SLC44A3: variants seen among roughly 807,000 people sequenced by gnomAD.
SLC44A3 encodes choline transporter-like protein 3.
SLC44A3 carries 74 observed loss-of-function variants against 75.4 expected under a neutral mutation model. The observed-to-expected ratio is 0.98, with a 90% CI of 0.81 to 1.19. The LOEUF is 1.19. SLC44A3 is among the 50% of genes most tolerant of loss of function. The pLI, the probability that SLC44A3 is intolerant of heterozygous loss-of-function variation, is 0.00. For synonymous variants in SLC44A3, 310 were observed against 296.9 expected, an observed-to-expected ratio of 1.04 and a Z score of -0.45; for missense variants, 700 against 778.6, an observed-to-expected ratio of 0.90 and a Z score of 1.20.
intron 9 of SLC44A3, among the ~76,000 whole-genome samples, chr1:94,851,197 C>G (rs76835824): frequency 0.016 from 2,381 of 152,234 alleles, 63 homozygotes; most frequent in African/African-American, 0.054. Flanking sequence ...CTTGGAAAAT[C>G]TCCTATAAAT....
chr1:94,850,131 G>T (rs859106), intron 9 of SLC44A3, among the ~76,000 whole-genome samples: 133,974 of 152,158 alleles, frequency 0.88, 59,124 homozygotes, highest in African/African-American at 0.94. Flanking sequence ...TGCCCAGATG[G>T]GCTATTTTTC....
chr1:94,887,075 G>C (rs902487228), intron 12 of SLC44A3, among the ~76,000 whole-genome samples: 1 of 151,854 alleles, frequency 6.6e-6, no homozygotes, highest in Non-Finnish European at 1.5e-5. Flanking sequence ...CCAATAAAAC[G>C]TGTTTCCTAG....
intron 4 of SLC44A3, among the ~76,000 whole-genome samples, chr1:94,828,155 T>G (rs566133771): frequency 5.9e-5 from 9 of 152,248 alleles, no homozygotes; most frequent in Non-Finnish European, 1.3e-4. Context: ...CTGTTTAGAA[T>G]TTTATCTGTC....
chr1:94,894,108 C>CT (rs1275298051), intron 14 of SLC44A3, among the ~76,000 whole-genome samples: 1 of 151,794 alleles, frequency 6.6e-6, no homozygotes, highest in Admixed American at 6.6e-5. Context: ...CACCTCCCCC[C>CT]CAAAAAAAAT....
At position 94,841,998 on chromosome 1, in the gene SLC44A3, A is replaced by G; in HGVS notation, c.761-2A>G. ...GAGCTCTGCTACTGTTCTCTTTTCT[A>G]GTTGTCTGCGGTGTTTTATGGTGGC... is the stretch of plus-strand genomic sequence containing the variant. On this transcript the variant is annotated splice_acceptor_variant, in intron 7 of 14. Transcript: ENST00000271227. LOFTEE classifies it high-confidence loss of function. 6.2e-7 allele frequency: 1 copy of G among 1,607,472 alleles called. No homozygotes were observed. The highest frequency in any genetic ancestry group is 8.5e-7 in the Non-Finnish European group (1 of 1,177,682).
intron 12 of SLC44A3, among the ~76,000 whole-genome samples, chr1:94,878,909 C>G (rs1026852510): frequency 1.1e-4 from 17 of 152,126 alleles, no homozygotes; most frequent in Admixed American, 5.2e-4. Flanking sequence ...GGGACCCTTA[C>G]CTTATACAGG....
chr1:94,845,362 A>G lies in SLC44A3; in HGVS notation c.970A>G (p.Ser324Gly), dbSNP rs952016199. 1.2e-6 allele frequency: 2 copies of G among 1,614,168 alleles called. No individual in the cohort carries two copies. The highest frequency in any genetic ancestry group is 1.7e-6 in the Non-Finnish European group (2 of 1,180,024). The change falls in exon 9 of 15, where the codon AGC (serine) becomes GGC (glycine). Residue 324 changes from serine (S) to glycine (G), a missense_variant. Coordinates refer to ENST00000271227, the MANE Select transcript of SLC44A3 (RefSeq NM_001114106.3). ...TTTCCAAATCACAAATAAAGCCATC[A>G]GCAGTGCTCCCTTCCTGCTGTTCCA... is the stretch of plus-strand genomic sequence containing the variant. ...ELFQITNKAI[S>G]SAPFLLFQPL...
chr1:94,873,012 C>A (rs1667929091), intron 12 of SLC44A3, among the ~76,000 whole-genome samples: 1 of 152,164 alleles, frequency 6.6e-6, no homozygotes, highest in Non-Finnish European at 1.5e-5. Context: ...CAAAGAGGAG[C>A]CATTTATCTG....
At chr1:94,831,555 A>G (rs1662132592) in intron 5 of SLC44A3, among the ~76,000 whole-genome samples, 1 of 152,250 alleles carries the variant, frequency 6.6e-6, no homozygotes. Flanking sequence ...TGAGCTTTTA[A>G]GAGCAGTGAA....
intron 12 of SLC44A3, among the ~76,000 whole-genome samples, chr1:94,878,524 C>A (rs1668581499): frequency 6.6e-6 from 1 of 152,184 alleles, no homozygotes; most frequent in South Asian, 2.1e-4. Context: ...AAAGGAGCTG[C>A]CCTTTCTTGT....
chr1:94,869,000 A>G (rs1667473470), intron 12 of SLC44A3, among the ~76,000 whole-genome samples: 1 of 152,260 alleles, frequency 6.6e-6, no homozygotes, highest in African/African-American at 2.4e-5. Flanking sequence ...TACCATGCCT[A>G]TACTGCCTGG....
chr1:94,895,206 G>T lies in SLC44A3; in HGVS notation c.*284G>T, dbSNP rs1293894446. On this transcript the variant is annotated 3_prime_UTR_variant, in exon 15 of 15. Coordinates refer to ENST00000271227, the MANE Select transcript of SLC44A3 (RefSeq NM_001114106.3). ...ACTATGTAAGAACTGAGGTAAGTTT[G>T]TAAGTGCACAACTAATAAATAAACC... The T allele has an allele frequency of 4.3e-5, 12 of 276,484 alleles. No individual in the cohort carries two copies. The highest frequency in any genetic ancestry group is 6.9e-5 in the Non-Finnish European group (10 of 145,882). The allele number at this position is 276,484 out of a possible 1,614,324, so 17.1% of individuals were successfully genotyped here.
intron 9 of SLC44A3, among the ~76,000 whole-genome samples, chr1:94,847,029 A>AG (rs1331642734): frequency 2.6e-5 from 4 of 152,236 alleles, no homozygotes; most frequent in Admixed American, 2.6e-4. Context: ...GTCTTCTACT[A>AG]GGGGCTCCCT....
At position 94,845,295 on chromosome 1, in the gene SLC44A3, G is replaced by C. The variant is rs1028683054; in HGVS notation, c.903G>C (p.Leu301Phe). The change falls in exon 9 of 15, where the codon TTG becomes TTC. Residue 301 changes from leucine to phenylalanine, a missense_variant. Leu to Phe is a conservative substitution (Grantham distance 22, BLOSUM62 0). Transcript: ENST00000271227. ...STGITAVLLVLIFVLRKRIKL... is the reference protein window; with the variant it reads ...STGITAVLLVFIFVLRKRIKL... ...CTCACCAGGCAGTGCTGCTCGTCTT[G>C]ATTTTTGTTCTCAGAAAGAGAATAA... 1 of 1,611,024 alleles carries C rather than the reference G, an allele frequency of 6.2e-7. No individual in the cohort carries two copies. The highest frequency in any genetic ancestry group is 1.7e-5 in the Admixed American group (1 of 59,346).
At position 94,867,331 on chromosome 1, in the gene SLC44A3, C is replaced by T; in HGVS notation, c.1396C>T (p.Gln466Ter). ...TTCCTTTGTTCTCAACCTGATCCAG[C>T]AGCATGGTGCATTGTCCAGGTACCT... The part of the protein sequence containing the change: ...MYMQNALKEQ[Q>*]HGALSRYLFR... Residue 466 changes from glutamine (Q) to a stop codon, truncating the protein, a stop_gained and splice_region_variant, in exon 12 of 15, where the codon CAG becomes TAG. Transcript: ENST00000271227. LOFTEE classifies it high-confidence loss of function. The T allele has an allele frequency of 6.3e-7, 1 of 1,579,744 alleles. No homozygotes were observed. The highest frequency in any genetic ancestry group is 1.4e-5 in the African/African-American group (1 of 73,854).
chr1:94,894,251 T>C (rs536608863), intron 14 of SLC44A3, among the ~76,000 whole-genome samples: 1 of 152,332 alleles, frequency 6.6e-6, no homozygotes, highest in East Asian at 1.9e-4. Flanking sequence ...TACTCCATAA[T>C]ATGGCACTTT....
chr1:94,826,922 C>T (rs778112488), intron 3 of SLC44A3, among the ~76,000 whole-genome samples: 4 of 152,144 alleles, frequency 2.6e-5, no homozygotes, highest in East Asian at 1.9e-4. Context: ...TAGCTGCTAG[C>T]GCATAACCTG....
intron 8 of SLC44A3, among the ~76,000 whole-genome samples, chr1:94,844,868 AG>A (rs1434916303): frequency 6.6e-6 from 1 of 152,236 alleles, no homozygotes; most frequent in Admixed American, 6.5e-5. Flanking sequence ...GAAAGCTAGA[AG>A]AAGGCACAGA....
intron 12 of SLC44A3, among the ~76,000 whole-genome samples, chr1:94,878,884 G>A (rs993904270): frequency 7.9e-5 from 12 of 152,174 alleles, no homozygotes; most frequent in Non-Finnish European, 7.4e-5. Flanking sequence ...ATATCCACAA[G>A]CAAAAGAATG....
Sources: allele counts gnomAD v4.1 joint callset (sites outside exome capture counted in the v4.1 genomes callset), GRCh38; gene constraint gnomAD v4.1.1; transcripts MANE v1.5; gene names NCBI Gene and HGNC (gene_info 2026-07-23, HGNC 2026-07-21).